Variants in CHEK2 observed in about 807,000 individuals in gnomAD.
CHEK2 encodes the protein serine/threonine-protein kinase Chk2.
Under a neutral mutation model 69.1 loss-of-function variants are expected in CHEK2, and 71 were observed. The observed-to-expected ratio is 1.03, with a 90% confidence interval of 0.85 to 1.25. The LOEUF (loss-of-function observed/expected upper bound fraction) is 1.25. Among genes scored for constraint, CHEK2 ranks in the 50% most tolerant of loss-of-function variants. The pLI, the probability that CHEK2 is intolerant of heterozygous loss-of-function variation, is 0.00. For missense variants in CHEK2, 664 were observed against 649.6 expected, an observed-to-expected ratio of 1.02 and a Z score of -0.24; for synonymous variants, 189 against 226.9, an observed-to-expected ratio of 0.83 and a Z score of 1.50.
intron 2 of CHEK2, among the ~76,000 whole-genome samples, chr22:28,733,734 C>T (rs925719237): frequency 2.0e-5 from 3 of 151,994 alleles, no homozygotes; most frequent in Admixed American, 6.6e-5. Flanking sequence ...GCCTGGCCAA[C>T]GTGGTGAAAC....
At chr22:28,708,363 A>ATGTATGTGTG (rs1555919271) in intron 7 of CHEK2, among the ~76,000 whole-genome samples, 1 of 139,668 alleles carries the variant, frequency 7.2e-6, no homozygotes, top group Non-Finnish European at 1.5e-5. Context: ...CTCTAAAAAT[A>ATGTATGTGTG]TGTGTGTGTG....
chr22:28,729,528 G>A (rs1295625784), intron 2 of CHEK2, among the ~76,000 whole-genome samples: 7 of 105,276 alleles, frequency 6.6e-5, no homozygotes, highest in African/African-American at 1.9e-4. Context: ...GGGCGACAGC[G>A]AGACTCCATC....
At position 28,711,996 on chromosome 22, in the gene CHEK2, C is replaced by T. The variant is rs1555921297; in HGVS notation, c.705G>A (p.Lys235=). 2 of 1,612,888 alleles carry T rather than the reference C, an allele frequency of 1.2e-6. No homozygotes were observed. Among genetic ancestry groups the T allele is most frequent in the Non-Finnish European group, 1.7e-6 (2 of 1,179,556 alleles). Residue 235 remains lysine, a synonymous_variant, in exon 6 of 15, where the codon AAG becomes AAA. Transcript: ENST00000404276. ...TACATGTTTTCCTCTCGAAAGCCAG[C>T]TTTACCTCTCCACAGGCACCACTAG... ...TLGSGACGEV[K]LAFERKTCKK... is the part of the protein sequence containing the mutation.
intron 7 of CHEK2, among the ~76,000 whole-genome samples, chr22:28,703,984 G>A (rs1393867415): frequency 6.6e-6 from 1 of 152,244 alleles, no homozygotes; most frequent in East Asian, 1.9e-4. Context: ...GGTTATTTAA[G>A]CTCTGGGCAA....
chr22:28,704,425 C>T (rs1000460177), intron 7 of CHEK2, among the ~76,000 whole-genome samples: 1 of 151,902 alleles, frequency 6.6e-6, no homozygotes, highest in Non-Finnish European at 1.5e-5. Context: ...CTCCGCCTCC[C>T]GGGTTCAAGC....
Position 28,719,413 on chromosome 22 carries a change from A to G in CHEK2, c.665T>C (p.Met222Thr), listed in dbSNP as rs775134484. The G allele has an allele frequency of 4.4e-6, 7 of 1,588,434 alleles. No homozygotes were observed. In the East Asian group the frequency reaches 1.1e-4, roughly 25 times the overall value. ...YPKALRDEYI[M>T]SKTLGSGACG... is the part of the protein sequence containing the mutation. ...AATTTACCTTCCAAGAGTTTTTGAC[A>G]TGATGTATTCATCTCTTAATGCCTT... The change falls in exon 5 of 15, where the codon ATG becomes ACG. Residue 222 changes from methionine to threonine, a missense_variant. Coordinates refer to ENST00000404276, the MANE Select transcript of CHEK2 (RefSeq NM_007194.4).
chr22:28,713,598 C>G (rs1420385412), intron 5 of CHEK2, among the ~76,000 whole-genome samples: 1 of 152,062 alleles, frequency 6.6e-6, no homozygotes, highest in Non-Finnish European at 1.5e-5. Context: ...CCTCGTGATC[C>G]TCCCATCTCG....
chr22:28,738,424 G>C, intron 1 of CHEK2, among the ~76,000 whole-genome samples: 1 of 152,148 alleles, frequency 6.6e-6, no homozygotes, highest in East Asian at 1.9e-4. Flanking sequence ...TCTGGAGTCA[G>C]ACACTTGAGT....
At position 28,722,467 on chromosome 22, in the gene CHEK2, G is replaced by A. The variant is rs2053822789; in HGVS notation, c.592+2510C>T. 4.7e-5 allele frequency among the ~76,000 whole-genome samples: 7 copies of A among 150,244 alleles called. No homozygotes were observed. The South Asian group carries it at 1.5e-3, about 32-fold the overall frequency. On this transcript the variant is annotated intron_variant, in intron 4 of 14. Transcript: ENST00000404276. ...AGGCAGGAGAATGGCGTGAACCCAG[G>A]AGGCGGAGCTTGCAGTGGGCCGAGA...
chr22:28,700,011 A>G lies in CHEK2; in HGVS notation c.909-74T>C, dbSNP rs568812233. Reference sequence around the variant, plus strand: ...CTTGGACAGAAGACAATAAAACAACAAAACAAATTCATTAAGACAAGCAAA... The same window carrying G: ...CTTGGACAGAAGACAATAAAACAACGAAACAAATTCATTAAGACAAGCAAA... On this transcript the variant is annotated intron_variant, in intron 8 of 14. Transcript: ENST00000404276. The G allele has an allele frequency of 2.6e-4, 257 of 971,146 alleles. No individual in the cohort carries two copies. Among genetic ancestry groups the G allele is most frequent in the Middle Eastern group, 1.1e-3 (5 of 4,668 alleles). 60.2% of individuals were successfully genotyped at this position (971,146 alleles called of 1,614,324 possible).
intron 1 of CHEK2, among the ~76,000 whole-genome samples, chr22:28,739,284 G>C (rs948981530): frequency 6.6e-6 from 1 of 152,038 alleles, no homozygotes; most frequent in Non-Finnish European, 1.5e-5. Context: ...TCAAAAAAAA[G>C]AAATGGGCAA....
chr22:28,721,741 A>AT, intron 4 of CHEK2: 3 of 360,580 alleles, frequency 8.3e-6, no homozygotes, highest in South Asian at 6.7e-5. Flanking sequence ...AATACATATA[A>AT]TTTTTTTGAG....
Position 28,736,769 on chromosome 22 carries a change from CCCCG to C in CHEK2, c.-6-2046_-6-2043del, listed in dbSNP as rs531492546. Among the ~76,000 whole-genome samples, 1,051 of 149,832 alleles carry C rather than the reference CCCCG, an allele frequency of 7.0e-3. 13 individuals carry two copies. The highest frequency in any genetic ancestry group is 0.025 in the African/African-American group (1,011 of 40,594). On this transcript the variant is annotated intron_variant, in intron 1 of 14. Coordinates refer to ENST00000404276, the MANE Select transcript of CHEK2 (RefSeq NM_007194.4). Reference sequence around the variant, plus strand: ...AGCCTGGCCAACATAGTGGGACCCCCCCCGCCCCCCGTACAAAAAATAAGAAAAT... The same window carrying C: ...AGCCTGGCCAACATAGTGGGACCCCCCCCCCCGTACAAAAAATAAGAAAAT...
intron 6 of CHEK2, 21 bp downstream of exon 6, chr22:28,711,888 C>A (rs2053405048): frequency 9.3e-6 from 14 of 1,499,092 alleles, no homozygotes; most frequent in Non-Finnish European, 1.0e-5. Context: ...AAAAGGTGAT[C>A]AGCCTTTTAT....
chr22:28,716,207 T>A (rs2053582208), intron 5 of CHEK2, among the ~76,000 whole-genome samples: 1 of 150,794 alleles, frequency 6.6e-6, no homozygotes, highest in African/African-American at 2.4e-5. Flanking sequence ...CTCTTTTTTT[T>A]TTTTTTTGAG....
intron 1 of CHEK2, among the ~76,000 whole-genome samples, chr22:28,736,021 C>T (rs1411446850): frequency 2.6e-5 from 4 of 152,078 alleles, no homozygotes; most frequent in African/African-American, 9.7e-5. Context: ...TGAGACCCCA[C>T]CTCTACAAAA....
chr22:28,722,986 C>T (rs1001423750), intron 4 of CHEK2, among the ~76,000 whole-genome samples: 2 of 152,110 alleles, frequency 1.3e-5, no homozygotes, highest in Non-Finnish European at 2.9e-5. Flanking sequence ...AGTCATTCGA[C>T]TCTCAGATAA....
chr22:28,690,628 CAAAA>C (rs35236854), intron 13 of CHEK2, among the ~76,000 whole-genome samples: 7 of 88,066 alleles, frequency 7.9e-5, no homozygotes, highest in Non-Finnish European at 9.5e-5. Flanking sequence ...ACACTGTCTC[CAAAA>C]AAAAAAAAAA....
At chr22:28,705,968 AAAACTAAACTAAACT>A in intron 7 of CHEK2, among the ~76,000 whole-genome samples, 1 of 147,536 alleles carries the variant, frequency 6.8e-6, no homozygotes, top group East Asian at 2.0e-4. Context: ...AACTAAACTA[AAAACTAAACTAAACT>A]AAACTAAACT....
Sources: gnomAD v4.1 joint callset for allele counts (sites outside exome capture counted in the v4.1 genomes callset) on GRCh38, gnomAD v4.1.1 for gene constraint, MANE v1.5 for transcripts, NCBI Gene and HGNC (gene_info 2026-07-23, HGNC 2026-07-21) for gene names.